The following CEP85L variants were observed in gnomAD, a reference collection of about 807,000 sequenced individuals.
CEP85L encodes centrosomal protein of 85 kDa-like.
Under a neutral mutation model 100.3 loss-of-function variants are expected in CEP85L, and 60 were observed. The ratio of observed to expected loss-of-function variants is 0.60; its 90% confidence interval spans 0.49 to 0.74. CEP85L has a LOEUF of 0.74. Among genes scored for constraint, CEP85L ranks in the 30% least tolerant of loss-of-function variants. CEP85L has a pLI of 0.00. For missense variants in CEP85L, 973 were observed against 936.2 expected (o/e 1.04, Z -0.51); for synonymous variants, 319 against 322.7 (o/e 0.99, Z 0.12).
chr6:118,602,369 C>T (rs1176540772), intron 2 of CEP85L, among the ~76,000 whole-genome samples: 1 of 152,096 alleles, frequency 6.6e-6, no homozygotes, highest in African/African-American at 2.4e-5. Context: ...AAAGTTATTC[C>T]AAGTAAACTA....
chr6:118,605,869 C>T (rs1467263879), intron 2 of CEP85L, among the ~76,000 whole-genome samples: 3 of 152,020 alleles, frequency 2.0e-5, no homozygotes, highest in Non-Finnish European at 4.4e-5. Flanking sequence ...AAAAAATTAG[C>T]CGGGCATGGT....
chr6:118,605,779 G>A (rs1395119926), intron 2 of CEP85L, among the ~76,000 whole-genome samples: 2 of 152,166 alleles, frequency 1.3e-5, no homozygotes, highest in Middle Eastern at 3.2e-3. Flanking sequence ...TTGAGAGGCC[G>A]AGGCGGGCAG....
intron 4 of CEP85L, among the ~76,000 whole-genome samples, chr6:118,518,437 C>A (rs537796482): frequency 5.9e-5 from 9 of 152,170 alleles, no homozygotes; most frequent in African/African-American, 1.9e-4. Flanking sequence ...AGGGATTTGA[C>A]TTCTTCCTGG....
At chr6:118,471,869 T>C (rs1471195273) in intron 10 of CEP85L, among the ~76,000 whole-genome samples, 20 of 151,894 alleles carry the variant, frequency 1.3e-4, no homozygotes, top group Non-Finnish European at 1.5e-5. Flanking sequence ...TCAAATCTTA[T>C]TTGATTAAAT....
chr6:118,513,039 A>G (rs1461606617), intron 4 of CEP85L, among the ~76,000 whole-genome samples: 2 of 152,220 alleles, frequency 1.3e-5, no homozygotes, highest in South Asian at 4.1e-4. Context: ...GGAGACATAC[A>G]TGACAAACAA....
intron 1 of CEP85L, among the ~76,000 whole-genome samples, chr6:118,639,063 T>C (rs1191351681): frequency 6.6e-6 from 1 of 152,166 alleles, no homozygotes. Context: ...AGAATACAAA[T>C]TGCAATGTTT....
chr6:118,651,503 G>A lies in CEP85L; in HGVS notation c.-234C>T. 1 of 1,269,770 alleles carries A rather than the reference G, an allele frequency of 7.9e-7. No homozygotes were observed. 78.7% of individuals were successfully genotyped at this position (1,269,770 alleles called of 1,614,324 possible). Reference sequence around the variant, plus strand: ...CGGCTGGGCTGAGGCCCGCGCCGGGGAAGCGGCGACTCGGCGGTGACGGCT... The same window carrying A: ...CGGCTGGGCTGAGGCCCGCGCCGGGAAAGCGGCGACTCGGCGGTGACGGCT... On this transcript the variant is annotated 5_prime_UTR_variant, in exon 1 of 13. Coordinates refer to ENST00000368491, the MANE Select transcript of CEP85L (RefSeq NM_001042475.3).
chr6:118,552,523 T>C (rs1298918990), intron 3 of CEP85L, among the ~76,000 whole-genome samples: 2 of 151,822 alleles, frequency 1.3e-5, no homozygotes, highest in African/African-American at 2.4e-5. Flanking sequence ...CCTGAAGGAG[T>C]TGATATATAG....
At chr6:118,543,525 A>T (rs1387776146) in intron 3 of CEP85L, among the ~76,000 whole-genome samples, 1 of 152,228 alleles carries the variant, frequency 6.6e-6, no homozygotes, top group Non-Finnish European at 1.5e-5. Context: ...CACCAACTTC[A>T]GATTTATCTG....
At chr6:118,624,889 G>A (rs950842613) in intron 2 of CEP85L, among the ~76,000 whole-genome samples, 10 of 152,138 alleles carry the variant, frequency 6.6e-5, no homozygotes, top group African/African-American at 2.4e-4. Flanking sequence ...ACCTTTCCGG[G>A]TTACAAAAGA....
At chr6:118,581,665 C>T (rs1780586384) in intron 2 of CEP85L, among the ~76,000 whole-genome samples, 1 of 152,004 alleles carries the variant, frequency 6.6e-6, no homozygotes, top group Non-Finnish European at 1.5e-5. Flanking sequence ...TCTTCTCCAC[C>T]CTGAGTCATA....
intron 2 of CEP85L, among the ~76,000 whole-genome samples, chr6:118,619,444 C>T (rs900212205): frequency 3.5e-4 from 53 of 152,238 alleles, no homozygotes; most frequent in African/African-American, 1.1e-3. Context: ...TGCTCTATGC[C>T]AAGCCTGCAA....
intron 1 of CEP85L, among the ~76,000 whole-genome samples, chr6:118,680,232 G>A (rs11968094): frequency 0.014 from 1,981 of 144,872 alleles, 35 homozygotes; most frequent in Middle Eastern, 0.057. Flanking sequence ...GGACAAAGTT[G>A]CAGTGAGCCC....
chr6:118,706,691 G>A (rs1198121684), intron 1 of CEP85L, among the ~76,000 whole-genome samples: 3 of 152,090 alleles, frequency 2.0e-5, no homozygotes, highest in African/African-American at 7.2e-5. Context: ...ATCAGGAAAC[G>A]CCACCATGTC....
At chr6:118,599,710 C>T (rs897821625) in intron 2 of CEP85L, among the ~76,000 whole-genome samples, 3 of 150,458 alleles carry the variant, frequency 2.0e-5, no homozygotes, top group Admixed American at 6.6e-5. Context: ...CTAATGATGT[C>T]GAATTATTAT....
At chr6:118,580,261 T>C (rs997839344) in intron 2 of CEP85L, among the ~76,000 whole-genome samples, 1 of 152,194 alleles carries the variant, frequency 6.6e-6, no homozygotes, top group African/African-American at 2.4e-5. Context: ...CGTATATCCA[T>C]GTCGTCGTAT....
In CEP85L at chr6:118,661,443, G is replaced by C. The variant is rs1775970356; in HGVS notation, c.-27-8635C>G. Among the ~76,000 whole-genome samples the C allele has an allele frequency of 4.6e-5, 7 of 151,946 alleles. No homozygotes were observed. The South Asian group carries it at 1.4e-3, about 31-fold the overall frequency. On this transcript the variant is annotated intron_variant, in intron 1 of 13. Transcript: ENST00000368488. ...TTCTAAATACGTTTCAATAAGGTTT[G>C]TTATTATTCTTTTTCTTTTAAAATT...
chr6:118,566,427 T>C (rs1184183759), intron 2 of CEP85L, 111 bp from the exon 3 acceptor site: 7 of 943,544 alleles, frequency 7.4e-6, no homozygotes, highest in Middle Eastern at 3.2e-4. Flanking sequence ...AGCACAAGCT[T>C]TTTTTTTTGA....
At chr6:118,488,059 G>C (rs1443110649) in intron 6 of CEP85L, among the ~76,000 whole-genome samples, 1 of 151,966 alleles carries the variant, frequency 6.6e-6, no homozygotes, top group African/African-American at 2.4e-5. Flanking sequence ...CCCCTCTCTC[G>C]CCAGACTGAT....
Sources: gnomAD v4.1 joint callset for allele counts (sites outside exome capture counted in the v4.1 genomes callset) on GRCh38, gnomAD v4.1.1 for gene constraint, MANE v1.5 for transcripts, NCBI Gene and HGNC (gene_info 2026-07-23, HGNC 2026-07-21) for gene names.